GOLGA6A: variants seen among roughly 807,000 people sequenced by gnomAD.
GOLGA6A encodes golgin A6 family member A.
In GOLGA6A, 1 loss-of-function variant was observed where a neutral mutation model predicts 53.6. That is an observed-to-expected ratio of 0.02 (90% confidence interval 0.01 to 0.09). GOLGA6A has a LOEUF of 0.09. Ranked by LOEUF, GOLGA6A falls within the 10% of genes least tolerant of loss-of-function variation. GOLGA6A has a pLI of 1.00. For synonymous variants in GOLGA6A, 6 were observed against 201.8 expected, an observed-to-expected ratio of 0.03 and a Z score of 8.22; for missense variants, 23 against 509.4, an observed-to-expected ratio of 0.05 and a Z score of 9.19.
intron 7 of GOLGA6A, among the ~76,000 whole-genome samples, chr15:74,076,713 C>CTT (rs2071981817): frequency 7.0e-6 from 1 of 143,784 alleles, no homozygotes; most frequent in Admixed American, 7.1e-5. Context: ...CTCTTCTGTA[C>CTT]CTTCACAGAA....
chr15:74,078,008 G>A (rs1275746131), intron 3 of GOLGA6A, among the ~76,000 whole-genome samples: 2 of 141,072 alleles, frequency 1.4e-5, no homozygotes, highest in Non-Finnish European at 3.0e-5. Flanking sequence ...TAAACCCCTA[G>A]AGAGGGAGTC....
At chr15:74,076,151 T>C (rs62005668) in intron 7 of GOLGA6A, among the ~76,000 whole-genome samples, 166 bp from the exon 8 acceptor site, 1 of 138,900 alleles carries the variant, frequency 7.2e-6, no homozygotes, top group Non-Finnish European at 1.6e-5. Flanking sequence ...GGGAAAGAGA[T>C]AGAATTTACA....
At chr15:74,076,721 GAAC>G (rs2071981882) in intron 7 of GOLGA6A, among the ~76,000 whole-genome samples, 1 of 136,220 alleles carries the variant, frequency 7.3e-6, no homozygotes, top group African/African-American at 2.7e-5. Flanking sequence ...TACCTTCACA[GAAC>G]AACTACCCAA....
At chr15:74,072,925 CG>C in intron 12 of GOLGA6A, 108 bp from the exon 13 acceptor site, 1 of 1,360,920 alleles carries the variant, frequency 7.3e-7, no homozygotes, top group South Asian at 1.2e-5. Context: ...AACTTTTGTC[CG>C]GCCATCTCAG....
chr15:74,073,520 C>T (rs1197773578), intron 12 of GOLGA6A, among the ~76,000 whole-genome samples: 2 of 152,114 alleles, frequency 1.3e-5, no homozygotes, highest in East Asian at 3.8e-4. Flanking sequence ...GAATGGTGAC[C>T]AGTGGAACCC....
intron 7 of GOLGA6A, among the ~76,000 whole-genome samples, 198 bp from the exon 8 acceptor site, chr15:74,076,183 G>A (rs2071977613): frequency 6.8e-6 from 1 of 146,822 alleles, no homozygotes; most frequent in East Asian, 2.1e-4. Flanking sequence ...GAGGCCCAGA[G>A]AGATCAGATA....
At chr15:74,072,421 G>A (rs2141913094) in intron 13 of GOLGA6A, 112 bp from the exon 14 acceptor site, 1 of 1,080,658 alleles carries the variant, frequency 9.3e-7, no homozygotes, top group Non-Finnish European at 1.4e-6. Context: ...CTCCCCAGAG[G>A]GGAGTGAGCT....
At position 74,080,727 on chromosome 15, in the gene GOLGA6A, TTCTTTTA is replaced by T; in HGVS notation, c.86_92del (p.Leu29HisfsTer44). 6.2e-7 allele frequency: 1 copy of T among 1,610,932 alleles called. No individual in the cohort carries two copies. Among genetic ancestry groups the T allele is most frequent in the South Asian group, 1.1e-5 (1 of 90,852 alleles). On this transcript the variant is annotated frameshift_variant and splice_region_variant, in exon 2 of 18. Coordinates refer to ENST00000290438, the MANE Select transcript of GOLGA6A (RefSeq NM_001038640.2). LOFTEE classifies it high-confidence loss of function. ...TACCAGGGCTCTTCCTTTGCTGATATTCTTTTAGCTGTGGGAAAGAAGAGCAGTAATA... is the reference window on the plus strand; with the variant it reads ...TACCAGGGCTCTTCCTTTGCTGATATGCTGTGGGAAAGAAGAGCAGTAATA...
At chr15:74,076,649 C>CAA (rs2071981058) in intron 7 of GOLGA6A, among the ~76,000 whole-genome samples, 1 of 148,994 alleles carries the variant, frequency 6.7e-6, no homozygotes, top group Non-Finnish European at 1.5e-5. Flanking sequence ...CACACACACA[C>CAA]ACACACACAC....
intron 7 of GOLGA6A, among the ~76,000 whole-genome samples, chr15:74,076,418 A>G (rs1252815241): frequency 7.3e-5 from 9 of 122,860 alleles, no homozygotes; most frequent in Non-Finnish European, 1.0e-4. Context: ...GGTCTATCCT[A>G]TTCTCTAAGC....
chr15:74,075,596 A>AG, intron 9 of GOLGA6A, 87 bp downstream of exon 9: 1 of 489,786 alleles, frequency 2.0e-6, no homozygotes, highest in Non-Finnish European at 3.4e-6. Context: ...ACCCATGACC[A>AG]CCTCTGGCTG....
chr15:74,076,271 A>G (rs866750792), intron 7 of GOLGA6A, among the ~76,000 whole-genome samples: 641 of 142,056 alleles, frequency 4.5e-3, no homozygotes, highest in African/African-American at 1.0e-2. Context: ...CCATGCTAGC[A>G]ATCCCATTTA....
At chr15:74,076,214 G>A (rs1212934710) in intron 7 of GOLGA6A, among the ~76,000 whole-genome samples, 26 of 146,580 alleles carry the variant, frequency 1.8e-4, no homozygotes, top group Admixed American at 2.8e-4. Context: ...TGTTATTACT[G>A]TTATTACTAC....
rs1210452709 is a variant in GOLGA6A at position 74,071,016 on chromosome 15, T to C, written c.1976A>G (p.Asp659Gly). Residue 659 changes from aspartate to glycine, a missense_variant, in exon 18 of 18, where the codon GAC becomes GGC. Physicochemically the swap from Asp to Gly is moderately conservative, Grantham distance 94. Transcript: ENST00000290438. ...TCCTGGTGCAGGCTCCACGTTGTTG[T>C]CCAGGCTCACTTCATAAAAAACTTC... ...EQDVFYEVSL[D>G]NNVEPAPGAA... The C allele has an allele frequency of 1.9e-6, 3 of 1,611,452 alleles. No individual in the cohort carries two copies.
chr15:74,070,846 C>T lies in GOLGA6A; in HGVS notation c.*64G>A, dbSNP rs2071930590. 1 of 1,570,108 alleles carries T rather than the reference C, an allele frequency of 6.4e-7. No homozygotes were observed. The highest frequency in any genetic ancestry group is 8.6e-7 in the Non-Finnish European group (1 of 1,159,058). ...TCTTAGAAGATGATGATGTTTATCT[C>T]CCTGTTCTCGGCTGCCTGGTAGAAG... On this transcript the variant is annotated 3_prime_UTR_variant, in exon 18 of 18. Coordinates refer to ENST00000290438, the MANE Select transcript of GOLGA6A (RefSeq NM_001038640.2).
chr15:74,076,047 C>A, intron 7 of GOLGA6A, 62 bp from the exon 8 acceptor site: 1 of 1,612,386 alleles, frequency 6.2e-7, no homozygotes, highest in South Asian at 1.1e-5. Flanking sequence ...CTTAAAAGGG[C>A]TAGGCTCAAT....
At chr15:74,076,125 A>ACT (rs1274072956) in intron 7 of GOLGA6A, 140 bp from the exon 8 acceptor site, 1 of 859,112 alleles carries the variant, frequency 1.2e-6, no homozygotes, top group Non-Finnish European at 1.9e-6. Context: ...AGAACTCAGT[A>ACT]AAGTTGGAAG....
intron 8 of GOLGA6A, 37 bp from the exon 9 acceptor site, chr15:74,075,827 C>A: frequency 6.6e-7 from 1 of 1,511,054 alleles, no homozygotes; most frequent in East Asian, 2.3e-5. Context: ...GAAGGGCTGT[C>A]ACTGGTCCTC....
At chr15:74,073,241 C>T (rs1483683681) in intron 12 of GOLGA6A, among the ~76,000 whole-genome samples, 1 of 151,358 alleles carries the variant, frequency 6.6e-6, no homozygotes, top group Non-Finnish European at 1.5e-5. Flanking sequence ...GACCCTGGTC[C>T]CTTGCTCCAG....
Sources: allele counts gnomAD v4.1 joint callset (sites outside exome capture counted in the v4.1 genomes callset), GRCh38; gene constraint gnomAD v4.1.1; transcripts MANE v1.5; gene names NCBI Gene and HGNC (gene_info 2026-07-23, HGNC 2026-07-21).